The following DNAAF9 variants were observed in gnomAD, a reference collection of about 807,000 sequenced individuals.
DNAAF9 encodes shulin.
A neutral mutation model predicts 167.0 loss-of-function variants in DNAAF9; 90 were observed. That is an observed-to-expected ratio of 0.54 (90% CI 0.45 to 0.64). DNAAF9 has a LOEUF of 0.64. Ranked by LOEUF, DNAAF9 falls within the 30% of genes least tolerant of loss-of-function variation. The pLI, the probability that DNAAF9 is intolerant of heterozygous loss-of-function variation, is 0.00. For synonymous variants in DNAAF9, 491 were observed against 508.8 expected (o/e 0.96, Z 0.47); for missense variants, 1,315 against 1,442.2 (o/e 0.91, Z 1.43).
chr20:3,375,107 G>A lies in DNAAF9; in HGVS notation c.428C>T (p.Ala143Val), dbSNP rs1465237163. The A allele has an allele frequency of 6.2e-7, 1 of 1,608,376 alleles. No homozygotes were observed. Among genetic ancestry groups the A allele is most frequent in the Non-Finnish European group, 8.5e-7 (1 of 1,174,934 alleles). ...AAAGCTGGTAATTTTAAATTCTTCT[G>A]CGGCTTCTTCATCTTCATACTGAAG... The part of the protein sequence containing the change: ...TENEYEDEEA[A>V]EEFKITSFVD... The change falls in exon 5 of 37, where the codon GCA becomes GTA. Residue 143 changes from alanine to valine, a missense_variant. Physicochemically the swap from Ala to Val is moderately conservative, Grantham distance 64 (BLOSUM62 0). Transcript: ENST00000252032.
Position 3,259,500 on chromosome 20 carries a change from A to G in DNAAF9, c.3035T>C (p.Leu1012Pro). The change falls in exon 33 of 37, where the codon CTG (leucine) becomes CCG (proline). Residue 1012 changes from leucine (L) to proline (P), a missense_variant. Physicochemically the swap from Leu to Pro is moderately conservative, Grantham distance 98. Around this residue, in one of 2 missense-constraint regions of DNAAF9, gnomAD observed 334 missense variants for 429.7 expected, o/e 0.78. Coordinates refer to ENST00000252032, the MANE Select transcript of DNAAF9 (RefSeq NM_001009984.3). ...GTTACCTGAAAACTTCACTTTGCCCAGGATGTGGTAGATGTTTCCGGAGAA... is the reference window on the plus strand; with the variant it reads ...GTTACCTGAAAACTTCACTTTGCCCGGGATGTGGTAGATGTTTCCGGAGAA... ...SPFSGNIYHILGKVKFSDSER... is the reference protein window; with the variant it reads ...SPFSGNIYHIPGKVKFSDSER... 6.2e-7 allele frequency: 1 copy of G among 1,611,412 alleles called. No individual in the cohort carries two copies. The highest frequency in any genetic ancestry group is 8.5e-7 in the Non-Finnish European group (1 of 1,177,532).
chr20:3,344,634 CA>C (rs1467689284), intron 8 of DNAAF9, among the ~76,000 whole-genome samples: 19 of 113,858 alleles, frequency 1.7e-4, no homozygotes, highest in East Asian at 7.7e-4. Context: ...CACACACACA[CA>C]CACACCTCAT....
chr20:3,332,372 G>GA lies in DNAAF9; in HGVS notation c.982-12dup, dbSNP rs1461009846. ...GACACACTGGGCTACCTGGATGTCA[G>GA]AAAAAAATAAAAATAAAAAGGGGCA... is the stretch of plus-strand genomic sequence containing the variant. On this transcript the variant is annotated splice_polypyrimidine_tract_variant and intron_variant, in intron 10 of 36. Coordinates refer to ENST00000252032, the MANE Select transcript of DNAAF9 (RefSeq NM_001009984.3). 3.3e-6 allele frequency: 5 copies of GA among 1,511,554 alleles called. No individual in the cohort carries two copies. The highest frequency in any genetic ancestry group is 1.1e-5 in the South Asian group (1 of 87,632). The allele number at this position is 1,511,554 out of a possible 1,614,324, so 93.6% of individuals were successfully genotyped here. A position where few individuals can be genotyped will look rare whatever the true frequency, so the allele number is the denominator to read the frequency against.
chr20:3,399,168 G>A (rs1235820550), intron 1 of DNAAF9, among the ~76,000 whole-genome samples: 1 of 152,068 alleles, frequency 6.6e-6, no homozygotes, highest in Admixed American at 6.6e-5. Context: ...TACCTCCCTG[G>A]TAAAAATAAA....
At chr20:3,350,156 GAC>G (rs35251429) in intron 7 of DNAAF9, among the ~76,000 whole-genome samples, 197 of 89,842 alleles carry the variant, frequency 2.2e-3, no homozygotes, top group Middle Eastern at 5.7e-3. Flanking sequence ...CAGACACACA[GAC>G]ACACACACAC....
At chr20:3,273,045 G>C (rs2068620778) in intron 29 of DNAAF9, among the ~76,000 whole-genome samples, 1 of 152,108 alleles carries the variant, frequency 6.6e-6, no homozygotes. Context: ...TGGTCAGGCT[G>C]GTCTCGAACT....
At chr20:3,295,445 C>A in intron 23 of DNAAF9, 1 of 262,418 alleles carries the variant, frequency 3.8e-6, no homozygotes, top group Non-Finnish European at 7.3e-6. Context: ...TCCCAAAGTG[C>A]TGGGATTACA....
intron 27 of DNAAF9, among the ~76,000 whole-genome samples, chr20:3,286,348 T>C (rs1010457916): frequency 2.6e-5 from 4 of 152,144 alleles, no homozygotes; most frequent in Non-Finnish European, 4.4e-5. Context: ...TTTTGCAGAA[T>C]TGTAAAGTCA....
At chr20:3,293,399 TG>T (rs1568584006) in intron 25 of DNAAF9, among the ~76,000 whole-genome samples, 2 of 149,824 alleles carry the variant, frequency 1.3e-5, no homozygotes, top group South Asian at 4.2e-4. Flanking sequence ...AAATCCACTC[TG>T]GGGGCCGGGC....
chr20:3,287,579 T>A, intron 27 of DNAAF9, 53 bp downstream of exon 27: 1 of 1,563,896 alleles, frequency 6.4e-7, no homozygotes, highest in Non-Finnish European at 8.8e-7. Flanking sequence ...ATAAGAGTAA[T>A]GGCAAGGTCA....
rs8122019 is a variant in DNAAF9 at position 3,276,829 on chromosome 20, G to C, written c.2650+2083C>G. Reference sequence around the variant, plus strand: ...GGCTGGACAGGTCAGCAAGTCCTAGGCACACCATCTGATAGTCAATACTGC... The same window carrying C: ...GGCTGGACAGGTCAGCAAGTCCTAGCCACACCATCTGATAGTCAATACTGC... On this transcript the variant is annotated intron_variant, in intron 29 of 36. Transcript: ENST00000252032. 8.3e-3 allele frequency among the ~76,000 whole-genome samples: 1,265 copies of C among 152,236 alleles called. 14 individuals carry two copies. The highest frequency in any genetic ancestry group is 0.029 in the African/African-American group (1,214 of 41,526).
intron 30 of DNAAF9, among the ~76,000 whole-genome samples, chr20:3,265,948 G>C (rs2068484077): frequency 6.6e-6 from 1 of 152,220 alleles, no homozygotes; most frequent in South Asian, 2.1e-4. Context: ...CTAAAGCGTT[G>C]GGATTACAGG....
At chr20:3,405,424 C>G (rs2084042003) in intron 1 of DNAAF9, among the ~76,000 whole-genome samples, 1 of 152,068 alleles carries the variant, frequency 6.6e-6, no homozygotes, top group Non-Finnish European at 1.5e-5. Context: ...CATTCAATGT[C>G]AAGAGTAAGG....
chr20:3,261,437 C>T (rs774072148), intron 31 of DNAAF9, among the ~76,000 whole-genome samples: 1 of 151,892 alleles, frequency 6.6e-6, no homozygotes, highest in South Asian at 2.1e-4. Context: ...GGCACGATCT[C>T]GGCTCACTGC....
chr20:3,345,633 G>A (rs935903274), intron 8 of DNAAF9, among the ~76,000 whole-genome samples: 4 of 152,136 alleles, frequency 2.6e-5, no homozygotes, highest in Non-Finnish European at 5.9e-5. Flanking sequence ...AAGTGCTAGA[G>A]GGTAACTTTC....
chr20:3,303,785 G>A (rs938621518), intron 21 of DNAAF9, among the ~76,000 whole-genome samples: 6 of 152,248 alleles, frequency 3.9e-5, no homozygotes, highest in South Asian at 2.1e-4. Context: ...GAGACGAGCT[G>A]TGCCTTGGCC....
intron 16 of DNAAF9, among the ~76,000 whole-genome samples, chr20:3,321,201 T>C (rs1472832433): frequency 6.6e-6 from 1 of 152,234 alleles, no homozygotes; most frequent in East Asian, 1.9e-4. Flanking sequence ...TAAATAATTA[T>C]AGTCATGTAT....
chr20:3,352,846 T>TTTTATATATATA (rs1555795389), intron 7 of DNAAF9, among the ~76,000 whole-genome samples: 1 of 146,706 alleles, frequency 6.8e-6, no homozygotes, highest in African/African-American at 2.5e-5. Context: ...TTCAAAATAT[T>TTTTATATATATA]TATATATATA....
chr20:3,271,479 T>C lies in DNAAF9; in HGVS notation c.2651-917A>G, dbSNP rs75280740. 2.6e-4 allele frequency among the ~76,000 whole-genome samples: 39 copies of C among 152,212 alleles called. No individual in the cohort carries two copies. The East Asian group carries it at 6.6e-3, about 26-fold the overall frequency. On this transcript the variant is annotated intron_variant, in intron 29 of 36. Transcript: ENST00000252032. The stretch of plus-strand genomic sequence containing the variant: ...CACAGGACCACAGAGAATTTGGAGA[T>C]CAGGAAACTTACCACACTTCACCAC...
Sources: allele counts gnomAD v4.1 joint callset (sites outside exome capture counted in the v4.1 genomes callset), GRCh38; gene constraint gnomAD v4.1.1; regional missense constraint gnomAD v4.1.1; transcripts MANE v1.5; gene names NCBI Gene and HGNC (gene_info 2026-07-23, HGNC 2026-07-21).